JAZF1: variants seen among roughly 807,000 people sequenced by gnomAD.
JAZF1 encodes JAZF zinc finger 1.
A neutral mutation model predicts 26.4 loss-of-function variants in JAZF1; 8 were observed. The ratio of observed to expected loss-of-function variants is 0.30; its 90% CI spans 0.18 to 0.55. The LOEUF is 0.55. Ranked by LOEUF, JAZF1 falls within the 20% of genes least tolerant of loss-of-function variation. The pLI is 0.94. For missense variants in JAZF1, 199 were observed against 322.0 expected (o/e 0.62, Z 2.92); for synonymous variants, 126 against 122.3 (o/e 1.03, Z -0.20).
intron 1 of JAZF1, among the ~76,000 whole-genome samples, chr7:28,131,575 C>T (rs1004189787): frequency 2.0e-5 from 3 of 152,130 alleles, no homozygotes; most frequent in Non-Finnish European, 2.9e-5. Context: ...GGTCCATGGT[C>T]GATACAACCT....
chr7:28,022,412 T>C (rs938002442), intron 1 of JAZF1, among the ~76,000 whole-genome samples: 16 of 152,354 alleles, frequency 1.1e-4, no homozygotes, highest in African/African-American at 3.6e-4. Context: ...TTTGCTGCAA[T>C]GAGACAGTTT....
chr7:28,093,673 G>A (rs1444708370), intron 1 of JAZF1, among the ~76,000 whole-genome samples: 4 of 152,176 alleles, frequency 2.6e-5, no homozygotes, highest in Non-Finnish European at 5.9e-5. Context: ...CAGGCGGCGC[G>A]TTCACTGGGT....
chr7:28,025,317 G>A (rs1288206996), intron 1 of JAZF1, among the ~76,000 whole-genome samples: 3 of 152,214 alleles, frequency 2.0e-5, no homozygotes, highest in African/African-American at 7.2e-5. Context: ...GTAAGAAAGA[G>A]AAATTAAACT....
intron 3 of JAZF1, among the ~76,000 whole-genome samples, chr7:27,856,409 C>A (rs1361873189): frequency 6.6e-6 from 1 of 152,146 alleles, no homozygotes; most frequent in Non-Finnish European, 1.5e-5. Context: ...AGAGTTATTG[C>A]AAAGAGCGAA....
intron 3 of JAZF1, among the ~76,000 whole-genome samples, chr7:27,854,115 C>T (rs956275529): frequency 6.6e-6 from 1 of 152,182 alleles, no homozygotes; most frequent in African/African-American, 2.4e-5. Flanking sequence ...ATCCCTTTAC[C>T]ATTATGTAAT....
chr7:27,986,627 T>C (rs1476375117), intron 2 of JAZF1, among the ~76,000 whole-genome samples: 2 of 150,204 alleles, frequency 1.3e-5, no homozygotes, highest in African/African-American at 4.9e-5. Flanking sequence ...GAAGTTCATA[T>C]GGGCTCTCCC....
At chr7:27,924,832 GC>G (rs1425919512) in intron 2 of JAZF1, among the ~76,000 whole-genome samples, 1 of 152,196 alleles carries the variant, frequency 6.6e-6, no homozygotes, top group East Asian at 1.9e-4. Context: ...TTTGTTTTCT[GC>G]TAAGACAATG....
chr7:27,894,763 T>G (rs955433522), intron 3 of JAZF1, among the ~76,000 whole-genome samples: 1 of 152,234 alleles, frequency 6.6e-6, no homozygotes, highest in Non-Finnish European at 1.5e-5. Flanking sequence ...CTTCTCAAGG[T>G]GTTGTAAAAA....
At chr7:28,125,868 A>G (rs1782684767) in intron 1 of JAZF1, among the ~76,000 whole-genome samples, 1 of 152,174 alleles carries the variant, frequency 6.6e-6, no homozygotes, top group Admixed American at 6.5e-5. Context: ...ATAGAGACAG[A>G]TGATGTTTTC....
chr7:28,106,924 G>A (rs373786115), intron 1 of JAZF1, among the ~76,000 whole-genome samples: 1 of 152,206 alleles, frequency 6.6e-6, no homozygotes, highest in Non-Finnish European at 1.5e-5. Context: ...CACAAGGCTG[G>A]AACTGGAGGA....
chr7:28,020,920 T>C (rs952061301), intron 1 of JAZF1: 2 of 313,596 alleles, frequency 6.4e-6, no homozygotes, highest in Non-Finnish European at 1.3e-5. Context: ...AGTCAGGAAA[T>C]AGAAAAGTAA....
chr7:28,072,968 CACCTTG>C (rs1783999632), intron 1 of JAZF1, among the ~76,000 whole-genome samples: 3 of 152,302 alleles, frequency 2.0e-5, no homozygotes, highest in South Asian at 4.1e-4. Context: ...CAACCTCTCT[CACCTTG>C]TTCCCCTCCT....
chr7:28,040,260 C>T (rs1783366676), intron 1 of JAZF1, among the ~76,000 whole-genome samples: 1 of 152,174 alleles, frequency 6.6e-6, no homozygotes, highest in African/African-American at 2.4e-5. Flanking sequence ...TTCACCCACT[C>T]CTTTAAGAAT....
intron 1 of JAZF1, among the ~76,000 whole-genome samples, chr7:28,074,967 G>A (rs1239164361): frequency 6.6e-6 from 1 of 152,050 alleles, no homozygotes; most frequent in Admixed American, 6.5e-5. Context: ...TCATTTTCTT[G>A]AAAGAAATGA....
intron 2 of JAZF1, among the ~76,000 whole-genome samples, chr7:27,986,866 G>A (rs568889961): frequency 4.9e-4 from 75 of 152,214 alleles, no homozygotes; most frequent in Admixed American, 9.8e-4. Context: ...CGTGTTGGCC[G>A]GGCTGGTCTC....
chr7:27,922,545 G>A (rs1490774919), intron 2 of JAZF1, among the ~76,000 whole-genome samples: 6 of 152,090 alleles, frequency 3.9e-5, no homozygotes, highest in Non-Finnish European at 8.8e-5. Flanking sequence ...CACCGCGCCA[G>A]GCCTTATAAA....
chr7:27,869,318 G>C (rs755442971), intron 3 of JAZF1, among the ~76,000 whole-genome samples: 2 of 152,190 alleles, frequency 1.3e-5, no homozygotes, highest in Non-Finnish European at 2.9e-5. Context: ...GATGAATGAC[G>C]TATTTACCAG....
At chr7:28,103,708 CCCAGAACTCTA>C (rs1332202865) in intron 1 of JAZF1, among the ~76,000 whole-genome samples, 5 of 152,128 alleles carry the variant, frequency 3.3e-5, no homozygotes, top group African/African-American at 1.2e-4. Context: ...CTAAAATCTA[CCCAGAACTCTA>C]CCACTTCCCA....
chr7:27,834,685 T>G (rs1583421333), intron 4 of JAZF1, among the ~76,000 whole-genome samples: 1 of 152,144 alleles, frequency 6.6e-6, no homozygotes, highest in Non-Finnish European at 1.5e-5. Flanking sequence ...TCCCTGGCGG[T>G]TCCATCCCCT....
Sources: gnomAD v4.1 joint callset for allele counts (sites outside exome capture counted in the v4.1 genomes callset) on GRCh38, gnomAD v4.1.1 for gene constraint, MANE v1.5 for transcripts, NCBI Gene and HGNC (gene_info 2026-07-23, HGNC 2026-07-21) for gene names.